The following TRERF1 variants were observed in gnomAD, a reference collection of about 807,000 sequenced individuals.
TRERF1 encodes the protein transcriptional regulating factor 1.
In TRERF1, 27 loss-of-function variants were observed where a neutral mutation model predicts 122.9. That is an observed-to-expected ratio of 0.22 (90% CI 0.16 to 0.30). The LOEUF (loss-of-function observed/expected upper bound fraction) is 0.30. Ranked by LOEUF, TRERF1 falls within the 10% of genes least tolerant of loss-of-function variation. TRERF1 has a pLI of 1.00. For synonymous variants in TRERF1, 636 were observed against 641.7 expected (o/e 0.99, Z 0.13); for missense variants, 1,248 against 1,560.3 (o/e 0.80, Z 3.37).
intron 4 of TRERF1, among the ~76,000 whole-genome samples, chr6:42,294,402 G>T (rs1051038688): frequency 6.6e-6 from 1 of 151,550 alleles, no homozygotes; most frequent in African/African-American, 2.4e-5. Flanking sequence ...GGCTGGTCTC[G>T]AACTCCCGGT....
chr6:42,258,079 T>C, intron 10 of TRERF1, 56 bp downstream of exon 10: 1 of 1,449,548 alleles, frequency 6.9e-7, no homozygotes, highest in Non-Finnish European at 9.7e-7. Flanking sequence ...AAGTATTAAC[T>C]ATACTTCTCA....
At chr6:42,446,829 C>T (rs1473436001) in intron 2 of TRERF1, among the ~76,000 whole-genome samples, 1 of 152,050 alleles carries the variant, frequency 6.6e-6, no homozygotes, top group Non-Finnish European at 1.5e-5. Flanking sequence ...ATGGTGAAAC[C>T]CTGTCTCTAC....
intron 2 of TRERF1, among the ~76,000 whole-genome samples, chr6:42,418,370 A>C (rs1359935759): frequency 6.7e-5 from 10 of 149,604 alleles, no homozygotes; most frequent in African/African-American, 2.5e-4. Context: ...CCCGGGTTCA[A>C]GCAATTCTCC....
rs1787884707 is a variant in TRERF1 at position 42,448,247 on chromosome 6, A to G, written c.-454+2930T>C. ...TATCTCCTCCTGCTGCCTGGGAATA[A>G]GAGCTTGGTTAACCTTAGACTTGAC... On this transcript the variant is annotated intron_variant, in intron 2 of 17. Transcript: ENST00000372922. 2.0e-5 allele frequency among the ~76,000 whole-genome samples: 3 copies of G among 152,358 alleles called. No individual in the cohort carries two copies. In the South Asian group the frequency reaches 6.2e-4, roughly 32 times the overall value.
At chr6:42,314,336 C>T (rs1286780028) in intron 3 of TRERF1, among the ~76,000 whole-genome samples, 3 of 152,180 alleles carry the variant, frequency 2.0e-5, no homozygotes, top group Non-Finnish European at 1.5e-5. Context: ...CTACCCTGAT[C>T]GAACTCTTCA....
rs141097681 is a variant in TRERF1 at position 42,439,444 on chromosome 6, C to T, written c.-454+11733G>A. Among the ~76,000 whole-genome samples the T allele has an allele frequency of 1.7e-3, 258 of 152,256 alleles. 3 individuals are homozygous for T. Among genetic ancestry groups the T allele is most frequent in the African/African-American group, 5.8e-3 (242 of 41,554 alleles). ...CTTAAGAAGCTGAAAGTCGGCTGGG[C>T]ACAGTGGCGGGCACCTGTAATCCCA... On this transcript the variant is annotated intron_variant, in intron 2 of 17. Coordinates refer to ENST00000372922, the Ensembl canonical transcript of TRERF1.
At chr6:42,304,458 A>G (rs964781401) in intron 3 of TRERF1, among the ~76,000 whole-genome samples, 24 of 152,192 alleles carry the variant, frequency 1.6e-4, no homozygotes, top group African/African-American at 5.5e-4. Context: ...TGTTGCTAGC[A>G]CTATACCCAG....
downstream of TRERF1, chr6:42,225,177 A>G (rs777801783): frequency 1.1e-4 from 16 of 150,678 alleles, no homozygotes; most frequent in Non-Finnish European, 1.0e-4. Context: ...TGGAGGGGAA[A>G]CAACCTAGAA....
intron 8 of TRERF1, among the ~76,000 whole-genome samples, chr6:42,262,549 GAGAGA>G (rs1778321049): frequency 9.6e-6 from 1 of 104,138 alleles, no homozygotes; most frequent in Non-Finnish European, 2.0e-5. Flanking sequence ...GAGAGAGAGA[GAGAGA>G]GAGAGAGAGA....
intron 4 of TRERF1, among the ~76,000 whole-genome samples, chr6:42,291,616 C>A (rs1188675994): frequency 1.3e-5 from 2 of 152,060 alleles, no homozygotes; most frequent in African/African-American, 4.8e-5. Flanking sequence ...TCACTGCAAG[C>A]TCTGCCTCCT....
At chr6:42,265,386 GA>G (rs1473032397) in intron 6 of TRERF1, among the ~76,000 whole-genome samples, 5 of 152,174 alleles carry the variant, frequency 3.3e-5, no homozygotes, top group Non-Finnish European at 7.3e-5. Context: ...AATAAATACT[GA>G]ATGAATGCAC....
At chr6:42,306,648 A>C (rs1207666860) in intron 3 of TRERF1, among the ~76,000 whole-genome samples, 1 of 151,526 alleles carries the variant, frequency 6.6e-6, no homozygotes, top group African/African-American at 2.4e-5. Context: ...GCTCTTTTCT[A>C]CCCCAGGGCC....
In TRERF1 at chr6:42,269,630, T is replaced by G. The variant is rs772637771; in HGVS notation, c.-40A>C. The G allele has an allele frequency of 6.3e-7, 1 of 1,589,082 alleles. No homozygotes were observed. The highest frequency in any genetic ancestry group is 1.1e-5 in the South Asian group (1 of 88,092). On this transcript the variant is annotated 5_prime_UTR_variant, in exon 5 of 18. The change abolishes an upstream ATG in the 5' untranslated region. Transcript: ENST00000372922. The surrounding 1 kb of genome is among the most constrained non-coding windows in gnomAD (Gnocchi z 4.9). ...TTGTGAACGTCCAGCCACAAAACCA[T>G]AAAAAAGGTAAATAAAACAAACCCA...
chr6:42,405,828 A>T (rs260286), intron 2 of TRERF1, among the ~76,000 whole-genome samples: 106 of 147,874 alleles, frequency 7.2e-4, no homozygotes, highest in African/African-American at 2.4e-3. Flanking sequence ...TAAAAAAAAT[A>T]AAAAAAAAAT....
At chr6:42,374,150 A>AGAAGAAGAAGAAGAAGAAGAAG (rs1554193490) in intron 2 of TRERF1, among the ~76,000 whole-genome samples, 1 of 143,962 alleles carries the variant, frequency 6.9e-6, no homozygotes, top group African/African-American at 2.6e-5. Context: ...AAAAAAAAAA[A>AGAAGAAGAAGAAGAAGAAGAAG]AAGAAGAAGA....
intron 2 of TRERF1, among the ~76,000 whole-genome samples, chr6:42,416,773 A>C (rs1014317947): frequency 3.9e-5 from 6 of 152,146 alleles, no homozygotes; most frequent in African/African-American, 1.4e-4. Context: ...ATTTGAAAAC[A>C]TTTACCTGTG....
chr6:42,238,868 C>CAT (rs1554124376), intron 15 of TRERF1, among the ~76,000 whole-genome samples: 12 of 148,226 alleles, frequency 8.1e-5, no homozygotes, highest in African/African-American at 2.8e-4. Context: ...CACACACACA[C>CAT]ACAATTTCTA....
intron 3 of TRERF1, among the ~76,000 whole-genome samples, chr6:42,306,969 G>T (rs1274605062): frequency 4.6e-5 from 7 of 152,156 alleles, no homozygotes; most frequent in Non-Finnish European, 8.8e-5. Context: ...AACCAGGGAT[G>T]CCTGGGTTTC....
chr6:42,262,433 GCAGAGAGAGAGAGAGAGAGAGA>G, intron 8 of TRERF1, among the ~76,000 whole-genome samples: 1 of 11,780 alleles, frequency 8.5e-5, no homozygotes, highest in African/African-American at 4.2e-4. Flanking sequence ...TTCCCTAGGG[GCAGAGAGAGAGAGAGAGAGAGA>G]GAGAGAGAGA....
Sources: gnomAD v4.1 joint callset for allele counts (sites outside exome capture counted in the v4.1 genomes callset) on GRCh38, gnomAD v4.1.1 for gene constraint, Gnocchi (gnomAD v3.1) non-coding constraint, MANE v1.5 for transcripts, NCBI Gene and HGNC (gene_info 2026-07-23, HGNC 2026-07-21) for gene names.